STAG3: variants seen among roughly 807,000 people sequenced by gnomAD.
STAG3 encodes the protein cohesin subunit SA-3.
STAG3 carries 101 observed loss-of-function variants against 160.7 expected under a neutral mutation model. The ratio of observed to expected loss-of-function variants is 0.63; its 90% CI spans 0.54 to 0.74. STAG3 has a LOEUF of 0.74. Among genes scored for constraint, STAG3 ranks in the 30% least tolerant of loss-of-function variants. STAG3 has a pLI of 0.00. For missense variants in STAG3, 1,188 were observed against 1,517.4 expected (o/e 0.78, Z 3.61); for synonymous variants, 519 against 585.0 (o/e 0.89, Z 1.63).
intron 26 of STAG3, 52 bp from the exon 27 acceptor site, chr7:100,204,575 G>A: frequency 6.3e-7 from 1 of 1,592,324 alleles, no homozygotes; most frequent in Admixed American, 1.7e-5. Context: ...GGACTTCTCT[G>A]TTTCCGCCGT....
At chr7:100,183,031 T>TC (rs1799750316) in intron 4 of STAG3, among the ~76,000 whole-genome samples, 192 bp downstream of exon 4, 1 of 152,036 alleles carries the variant, frequency 6.6e-6, no homozygotes, top group Non-Finnish European at 1.5e-5. Flanking sequence ...TTTTTTTTTT[T>TC]TAGACAGAGT....
At chr7:100,189,398 C>T in intron 7 of STAG3, 47 bp from the exon 8 acceptor site, 1 of 1,583,202 alleles carries the variant, frequency 6.3e-7, no homozygotes, top group East Asian at 2.2e-5. Context: ...ATCCTCTCTC[C>T]TCTGACCTCA....
intron 3 of STAG3, among the ~76,000 whole-genome samples, 175 bp downstream of exon 3, chr7:100,182,367 AAAAAG>A (rs1397917588): frequency 1.3e-5 from 2 of 152,110 alleles, no homozygotes; most frequent in African/African-American, 2.4e-5. Flanking sequence ...TCAAAAAAAA[AAAAAG>A]AAAAGAAAAC....
rs1370057713 is a variant in STAG3 at position 100,187,313 on chromosome 7, G to A, written c.433+1017G>A. 3.3e-5 allele frequency among the ~76,000 whole-genome samples: 5 copies of A among 151,752 alleles called. No individual in the cohort carries two copies. The East Asian group carries it at 7.7e-4, about 23-fold the overall frequency. On this transcript the variant is annotated intron_variant, in intron 5 of 33. Transcript: ENST00000615138. ...GTTGGTATTACAGGCATGAGCCATCGCGCCTGGCCTGTTTTTTGGTTTGTT... is the reference window on the plus strand; with the variant it reads ...GTTGGTATTACAGGCATGAGCCATCACGCCTGGCCTGTTTTTTGGTTTGTT...
At chr7:100,204,919 G>C in intron 27 of STAG3, 86 bp from the exon 28 acceptor site, 1 of 1,575,578 alleles carries the variant, frequency 6.3e-7, no homozygotes, top group South Asian at 1.2e-5. Context: ...TGGGGACGGG[G>C]GGAGGGTGCA....
chr7:100,178,136 G>GC (rs60823426), intron 1 of STAG3, 131 bp downstream of exon 1: 152,357 of 152,366 alleles, frequency 1, 76,174 homozygotes, highest in Middle Eastern at 1. Flanking sequence ...CCCGGGCCGT[G>GC]CCCCAATGGC....
intron 25 of STAG3, 33 bp downstream of exon 25, chr7:100,202,623 G>T: frequency 6.3e-7 from 1 of 1,599,102 alleles, no homozygotes; most frequent in South Asian, 1.1e-5. Flanking sequence ...TAAAAGAGAA[G>T]GGAGCAAGTT....
downstream of STAG3, among the ~76,000 whole-genome samples, chr7:100,215,580 G>GGAAA (rs1423331848): frequency 1.3e-5 from 2 of 152,122 alleles, no homozygotes; most frequent in African/African-American, 4.8e-5. Flanking sequence ...ATCCAGGAGG[G>GGAAA]GAAAGATTCC....
At chr7:100,178,383 G>T (rs1319379946) in intron 1 of STAG3, among the ~76,000 whole-genome samples, 1 of 152,098 alleles carries the variant, frequency 6.6e-6, no homozygotes, top group Admixed American at 6.5e-5. Context: ...TTCCATTCCA[G>T]GTGGAATCAG....
At chr7:100,181,687 C>G (rs1799655068) in intron 2 of STAG3, 1 of 155,578 alleles carries the variant, frequency 6.4e-6, no homozygotes. Context: ...GTGGCTCATG[C>G]CTATAATCCC....
Position 100,204,670 on chromosome 7 carries a change from A to G in STAG3, c.2846A>G (p.Asn949Ser), listed in dbSNP as rs1801462130. ...CAGGAGCATGGGCCCCAGGGCCTGAATGAGCTTCCTGCCTTCATCGAGATG... is the reference window on the plus strand; with the variant it reads ...CAGGAGCATGGGCCCCAGGGCCTGAGTGAGCTTCCTGCCTTCATCGAGATG... Reference protein sequence around the residue: ...LLQEHGPQGLNELPAFIEMRD... With the variant: ...LLQEHGPQGLSELPAFIEMRD... Residue 949 changes from asparagine (N) to serine (S), a missense_variant, in exon 27 of 34, where the codon AAT (asparagine) becomes AGT (serine). Coordinates refer to ENST00000615138, the MANE Select transcript of STAG3 (RefSeq NM_001282717.2). 6.2e-7 allele frequency: 1 copy of G among 1,614,134 alleles called. No individual in the cohort carries two copies. The highest frequency in any genetic ancestry group is 2.2e-5 in the East Asian group (1 of 44,866).
downstream of STAG3, among the ~76,000 whole-genome samples, chr7:100,216,308 T>C (rs1384291849): frequency 2.0e-5 from 3 of 150,930 alleles, no homozygotes; most frequent in African/African-American, 7.3e-5. Context: ...TTTTAAAAAA[T>C]TGTAAGTTAT....
chr7:100,203,728 A>T (rs1183839851), intron 25 of STAG3, among the ~76,000 whole-genome samples: 1 of 151,774 alleles, frequency 6.6e-6, no homozygotes, highest in Non-Finnish European at 1.5e-5. Context: ...ATTAGCCAGG[A>T]TGGTCTCGAT....
chr7:100,199,232 CATT>C (rs1800907019), intron 14 of STAG3, 27 bp from the exon 15 acceptor site: 1 of 1,452,798 alleles, frequency 6.9e-7, no homozygotes, highest in African/African-American at 1.4e-5. Context: ...AACATGCTAT[CATT>C]AACTCCCCAT....
In STAG3 at chr7:100,182,797, T is replaced by C. The variant is rs765826098; in HGVS notation, c.294T>C (p.Asn98=). Residue 98 remains asparagine (N), a synonymous_variant, in exon 4 of 34, where the codon AAT becomes AAC. Transcript: ENST00000615138. ...HSRKQSEPPA[N]DLFNAVKAAK... Reference sequence around the variant, plus strand: ...GGAAACAGTCAGAGCCACCAGCCAATGATCTTTTCAATGCTGTGAAAGCCG... The same window carrying C: ...GGAAACAGTCAGAGCCACCAGCCAACGATCTTTTCAATGCTGTGAAAGCCG... 17 of 1,613,888 alleles carry C rather than the reference T, an allele frequency of 1.1e-5. No individual in the cohort carries two copies. Among genetic ancestry groups the C allele is most frequent in the Non-Finnish European group, 1.4e-5 (17 of 1,179,876 alleles).
chr7:100,202,133 A>G (rs1801194691), intron 23 of STAG3, 39 bp from the exon 24 acceptor site: 1 of 1,609,592 alleles, frequency 6.2e-7, no homozygotes, highest in Non-Finnish European at 8.5e-7. Flanking sequence ...CTTGGGAAAC[A>G]TTCTGTCCTT....
At chr7:100,213,388 AC>A (rs1802451574) in intron 32 of STAG3, 18 of 985,262 alleles carry the variant, frequency 1.8e-5, no homozygotes, top group Non-Finnish European at 2.2e-5. Context: ...ATAGAACAGA[AC>A]AGGGGAGTCT....
intron 10 of STAG3, 71 bp downstream of exon 10, chr7:100,197,350 C>G: frequency 6.3e-7 from 1 of 1,587,746 alleles, no homozygotes; most frequent in Non-Finnish European, 8.6e-7. Context: ...TCACCTTTTC[C>G]TGGGCCTGCC....
Position 100,180,588 on chromosome 7 carries a change from A to C in STAG3, c.32A>C (p.Asp11Ala). Residue 11 changes from aspartate to alanine, a missense_variant, in exon 2 of 34, where the codon GAT becomes GCT. Transcript: ENST00000615138. MSSPLQRAVG[D>A]TKRALSASSS... ...TCCCCGTTGCAAAGAGCTGTGGGAG[A>C]TACCAAGAGGGCCTTGTCTGCATCT... is the stretch of plus-strand genomic sequence containing the variant. 1 of 1,613,420 alleles carries C rather than the reference A, an allele frequency of 6.2e-7. No individual in the cohort carries two copies. Among genetic ancestry groups the C allele is most frequent in the Non-Finnish European group, 8.5e-7 (1 of 1,179,370 alleles).
Sources: gnomAD v4.1 joint callset for allele counts (sites outside exome capture counted in the v4.1 genomes callset) on GRCh38, gnomAD v4.1.1 for gene constraint, MANE v1.5 for transcripts, NCBI Gene and HGNC (gene_info 2026-07-23, HGNC 2026-07-21) for gene names.